DSCAML1: variants seen among roughly 807,000 people sequenced by gnomAD.
DSCAML1 encodes cell adhesion molecule DSCAML1.
In DSCAML1, 38 loss-of-function variants were observed where a neutral mutation model predicts 200.5. The ratio of observed to expected loss-of-function variants is 0.19; its 90% CI spans 0.15 to 0.25. DSCAML1 has a LOEUF of 0.25. Among genes scored for constraint, DSCAML1 ranks in the 10% least tolerant of loss-of-function variants. The probability of loss-of-function intolerance (pLI) is 1.00; values close to 1 mark genes in which losing one functional copy is unlikely to be tolerated. For synonymous variants in DSCAML1, 1,215 were observed against 1,165.0 expected, an observed-to-expected ratio of 1.04 and a Z score of -0.87; for missense variants, 2,223 against 2,858.8, an observed-to-expected ratio of 0.78 and a Z score of 5.07.
chr11:117,435,729 G>A lies in DSCAML1; in HGVS notation c.4791C>T (p.Cys1597=). The A allele has an allele frequency of 6.2e-7, 1 of 1,613,466 alleles. No homozygotes were observed. Among genetic ancestry groups the A allele is most frequent in the Non-Finnish European group, 8.5e-7 (1 of 1,179,440 alleles). ...DDVKKLFTIG[C]PVILATLGVA... is the part of the protein sequence containing the mutation. ...CCCCCAGTGTGGCCAGGATGACAGG[G>A]CAGCCGATGGTGAACAGCTTCTTCA... is the stretch of plus-strand genomic sequence containing the variant. Residue 1597 remains cysteine, a synonymous_variant, in exon 27 of 33, where the codon TGC becomes TGT. Coordinates refer to ENST00000651296, the MANE Select transcript of DSCAML1 (RefSeq NM_020693.4).
chr11:117,679,016 G>A (rs1485579928), intron 3 of DSCAML1, among the ~76,000 whole-genome samples: 10 of 152,248 alleles, frequency 6.6e-5, no homozygotes, highest in Non-Finnish European at 5.9e-5. Flanking sequence ...ACACATATGG[G>A]GGAGGGGCTC....
chr11:117,807,076 TC>T (rs1565294678), intron 1 of DSCAML1, among the ~76,000 whole-genome samples: 1 of 152,164 alleles, frequency 6.6e-6, no homozygotes, highest in Non-Finnish European at 1.5e-5. Flanking sequence ...GGCACCCGCT[TC>T]CCCCAAGCCA....
Position 117,656,589 on chromosome 11 carries a change from G to A in DSCAML1, c.511+120202C>T, listed in dbSNP as rs149271565. On this transcript the variant is annotated intron_variant, in intron 3 of 32. Transcript: ENST00000651296. ...CAAATTTAGTATTCTCAACTGCCTA[G>A]TAAGGTAGACATTACTACAATTTTC... Among the ~76,000 whole-genome samples the A allele has an allele frequency of 1.3e-3, 201 of 151,834 alleles. 2 individuals carry two copies. Among genetic ancestry groups the A allele is most frequent in the African/African-American group, 4.7e-3 (194 of 41,348 alleles).
At chr11:117,467,228 C>T (rs2048601798) in intron 16 of DSCAML1, among the ~76,000 whole-genome samples, 1 of 141,668 alleles carries the variant, frequency 7.1e-6, no homozygotes, top group African/African-American at 2.6e-5. Context: ...TATATCCATT[C>T]ACACCCAGAA....
chr11:117,517,862 T>C (rs900464002), intron 7 of DSCAML1, among the ~76,000 whole-genome samples: 9 of 152,308 alleles, frequency 5.9e-5, no homozygotes, highest in Admixed American at 5.9e-4. Context: ...GAGGACTCCT[T>C]TCCCCACTCT....
chr11:117,506,136 G>A (rs933429276), intron 8 of DSCAML1, among the ~76,000 whole-genome samples: 2 of 152,148 alleles, frequency 1.3e-5, no homozygotes, highest in African/African-American at 2.4e-5. Flanking sequence ...TGAGGTGCCC[G>A]GTGGCAAGAG....
chr11:117,617,620 C>G (rs1461903985), intron 3 of DSCAML1, among the ~76,000 whole-genome samples: 2 of 149,614 alleles, frequency 1.3e-5, no homozygotes, highest in African/African-American at 4.9e-5. Flanking sequence ...GCGCATTAAG[C>G]CATTTAGGAA....
At chr11:117,710,835 T>A (rs1431717440) in intron 3 of DSCAML1, among the ~76,000 whole-genome samples, 1 of 152,112 alleles carries the variant, frequency 6.6e-6, no homozygotes, top group Admixed American at 6.5e-5. Context: ...CTCTACAAGT[T>A]GACAATCTAA....
At position 117,595,100 on chromosome 11, in the gene DSCAML1, T is replaced by TAAGGGTGTGTGTAAGTA. The variant is rs1320713861; in HGVS notation, c.512-62579_512-62578insTACTTACACACACCCTT. 1.0e-4 allele frequency among the ~76,000 whole-genome samples: 11 copies of TAAGGGTGTGTGTAAGTA among 109,826 alleles called. No homozygotes were observed. In the East Asian group the frequency reaches 2.5e-3, roughly 25 times the overall value. The allele number at this position is 109,826 out of a possible 152,430, so 72.1% of individuals were successfully genotyped here. On this transcript the variant is annotated intron_variant, in intron 3 of 32. Coordinates refer to ENST00000651296, the MANE Select transcript of DSCAML1 (RefSeq NM_020693.4). ...CACACACACACACACCCTTTGATAT[T>TAAGGGTGTGTGTAAGTA]TCCTTAAGACACTTCTCTGAAGAGA...
rs557272167 is a variant in DSCAML1, at chr11:117,654,038, T to G, written c.512-121516A>C. 1.4e-4 allele frequency among the ~76,000 whole-genome samples: 22 copies of G among 152,276 alleles called. No individual in the cohort carries two copies. In the South Asian group the frequency reaches 4.6e-3, roughly 32 times the overall value. ...GAGACCTTTGTTTCTTAAAAAAAAG[T>G]ACTGATATAGATAAGCCTTCAAAAC... On this transcript the variant is annotated intron_variant, in intron 3 of 32. Transcript: ENST00000651296.
At chr11:117,492,255 A>G (rs1271662952) in intron 11 of DSCAML1, among the ~76,000 whole-genome samples, 1 of 152,140 alleles carries the variant, frequency 6.6e-6, no homozygotes, top group Non-Finnish European at 1.5e-5. Context: ...AGGGCAGCAA[A>G]CTTAGGGTGT....
chr11:117,461,601 A>AG lies in DSCAML1; in HGVS notation c.3266-6dup. The AG allele has an allele frequency of 6.2e-7, 1 of 1,609,524 alleles. No homozygotes were observed. Among genetic ancestry groups the AG allele is most frequent in the Non-Finnish European group, 8.5e-7 (1 of 1,179,562 alleles). The stretch of plus-strand genomic sequence containing the variant: ...TCTCAGGGGGCTGGCTGGGCACTGC[A>AG]GGGGGTAGGGGGAGAACCAAGGGTC... On this transcript the variant is annotated splice_polypyrimidine_tract_variant and splice_region_variant and intron_variant, in intron 17 of 32. Transcript: ENST00000651296.
At chr11:117,591,854 C>T (rs1743112158) in intron 3 of DSCAML1, among the ~76,000 whole-genome samples, 1 of 152,172 alleles carries the variant, frequency 6.6e-6, no homozygotes, top group South Asian at 2.1e-4. Context: ...CAGGTGCATC[C>T]CGGCCCCTCA....
In DSCAML1 at chr11:117,491,828, C is replaced by T. The variant is rs539835403; in HGVS notation, c.2360-9666G>A. On this transcript the variant is annotated intron_variant, in intron 11 of 32. Transcript: ENST00000651296. ...AATATCAGAGAAGGCCAGTAGACAT[C>T]GAAGTAGAATCAGGGGCCCAAGAAT... 5.3e-5 allele frequency among the ~76,000 whole-genome samples: 8 copies of T among 152,172 alleles called. No homozygotes were observed. In the South Asian group the frequency reaches 1.5e-3, roughly 28 times the overall value.
chr11:117,660,079 T>C (rs2052813511), intron 3 of DSCAML1, among the ~76,000 whole-genome samples: 1 of 152,202 alleles, frequency 6.6e-6, no homozygotes, highest in Non-Finnish European at 1.5e-5. Flanking sequence ...TCTTTTCATA[T>C]CATCCTTTCC....
chr11:117,798,914 A>G (rs928625636), upstream of DSCAML1, among the ~76,000 whole-genome samples: 10 of 152,140 alleles, frequency 6.6e-5, no homozygotes, highest in African/African-American at 1.4e-4. Context: ...TTCATGCAAA[A>G]TCACCACCCT....
chr11:117,557,046 G>A (rs536533799), intron 3 of DSCAML1, among the ~76,000 whole-genome samples: 84 of 152,322 alleles, frequency 5.5e-4, no homozygotes, highest in Non-Finnish European at 1.1e-3. Flanking sequence ...CAGGATGCAC[G>A]TTGGGCTAGA....
At chr11:117,671,864 C>A (rs2053115135) in intron 3 of DSCAML1, among the ~76,000 whole-genome samples, 1 of 152,060 alleles carries the variant, frequency 6.6e-6, no homozygotes, top group Non-Finnish European at 1.5e-5. Flanking sequence ...GTAATCCCAG[C>A]ACTTTGGGAG....
intron 3 of DSCAML1, among the ~76,000 whole-genome samples, chr11:117,681,023 C>T (rs2053300876): frequency 1.3e-5 from 2 of 152,206 alleles, no homozygotes; most frequent in South Asian, 4.1e-4. Flanking sequence ...TCCCCACATT[C>T]CCTCATCCTC....
Sources: gnomAD v4.1 joint callset for allele counts (sites outside exome capture counted in the v4.1 genomes callset) on GRCh38, gnomAD v4.1.1 for gene constraint, MANE v1.5 for transcripts, NCBI Gene and HGNC (gene_info 2026-07-23, HGNC 2026-07-21) for gene names.